MTTP: variants seen among roughly 807,000 people sequenced by gnomAD.
MTTP encodes microsomal triglyceride transfer protein, also known as microsomal triglyceride transfer protein large subunit.
In MTTP, 49 loss-of-function variants were observed where a neutral mutation model predicts 90.6. The ratio of observed to expected loss-of-function variants is 0.54; its 90% CI spans 0.43 to 0.69. The LOEUF is 0.69. MTTP is among the 30% of genes least tolerant of loss of function. The pLI is 0.00. For missense variants in MTTP, 945 were observed against 1,067.5 expected, an observed-to-expected ratio of 0.89 and a Z score of 1.60; for synonymous variants, 347 against 384.2, an observed-to-expected ratio of 0.90 and a Z score of 1.13.
At chr4:99,599,537 G>A (rs572853341) in intron 8 of MTTP, among the ~76,000 whole-genome samples, 60 of 152,294 alleles carry the variant, frequency 3.9e-4, no homozygotes, top group African/African-American at 1.4e-3. Context: ...TGAGGTGGTA[G>A]TATTAGTAAC....
intron 9 of MTTP, among the ~76,000 whole-genome samples, chr4:99,601,275 A>C (rs1372083154): frequency 2.0e-5 from 3 of 150,918 alleles, no homozygotes; most frequent in Non-Finnish European, 4.4e-5. Context: ...AAAAGTGATG[A>C]GGCCCCTTTT....
chr4:99,618,293 T>A (rs1726145494), intron 15 of MTTP, among the ~76,000 whole-genome samples: 1 of 152,190 alleles, frequency 6.6e-6, no homozygotes, highest in Non-Finnish European at 1.5e-5. Flanking sequence ...CAAGTTCCCC[T>A]TGGATACTAA....
At chr4:99,571,997 C>T (rs1724851646), upstream of MTTP, among the ~76,000 whole-genome samples, 1 of 151,674 alleles carries the variant, frequency 6.6e-6, no homozygotes, top group African/African-American at 2.4e-5. Flanking sequence ...CTTTCTATAT[C>T]TAGTAGGGTA....
chr4:99,611,057 C>T, intron 12 of MTTP, 86 bp from the exon 13 acceptor site: 2 of 1,458,754 alleles, frequency 1.4e-6, no homozygotes, highest in East Asian at 2.3e-5. Flanking sequence ...CTCTTTTTTC[C>T]ACTGAGGATT....
chr4:99,609,870 A>G (rs1447238613), intron 12 of MTTP, among the ~76,000 whole-genome samples: 1 of 152,182 alleles, frequency 6.6e-6, no homozygotes, highest in Non-Finnish European at 1.5e-5. Flanking sequence ...AGTTGAACGC[A>G]TTTAGCTTCT....
At chr4:99,615,819 G>A (rs1578255612) in intron 15 of MTTP, among the ~76,000 whole-genome samples, 1 of 152,178 alleles carries the variant, frequency 6.6e-6, no homozygotes, top group Non-Finnish European at 1.5e-5. Context: ...GAAGCAACAG[G>A]ATGAGTTGTC....
chr4:99,594,861 G>A lies in MTTP; in HGVS notation c.887G>A (p.Ser296Asn). 6.2e-7 allele frequency: 1 copy of A among 1,613,940 alleles called. No individual in the cohort carries two copies. The highest frequency in any genetic ancestry group is 8.5e-7 in the Non-Finnish European group (1 of 1,179,876). The change falls in exon 7 of 18, where the codon AGC (serine) becomes AAC (asparagine). Residue 296 changes from serine (S) to asparagine (N), a missense_variant. Transcript: ENST00000265517. ...CCCATTGTGGGGCAGGTCTTCCAGA[G>A]CCACTGTAAAGGATGTCCTTCTGTA... ...AIPIVGQVFQ[S>N]HCKGCPSLSE...
chr4:99,595,014 C>CA, intron 7 of MTTP, 131 bp downstream of exon 7: 1 of 1,036,376 alleles, frequency 9.6e-7, no homozygotes, highest in Non-Finnish European at 1.5e-6. Context: ...GTTGTGATGA[C>CA]AGCAGTCTCA....
Position 99,611,257 on chromosome 4 carries a change from G to C in MTTP, c.1867+17G>C. 6.2e-7 allele frequency: 1 copy of C among 1,613,554 alleles called. No homozygotes were observed. Among genetic ancestry groups the C allele is most frequent in the East Asian group, 2.2e-5 (1 of 44,868 alleles). ...ACATAGAACGTATGTACACCAAAAA[G>C]AGGTTCTCCTTCCATACCCCACAAC... is the stretch of plus-strand genomic sequence containing the variant. On this transcript the variant is annotated intron_variant, in intron 13 of 17. Coordinates refer to ENST00000265517, the MANE Select transcript of MTTP (RefSeq NM_001386140.1).
Position 99,583,442 on chromosome 4 carries a change from C to G in MTTP, c.318C>G (p.Ser106Arg), listed in dbSNP as rs1472302192. 6.2e-7 allele frequency: 1 copy of G among 1,613,380 alleles called. No homozygotes were observed. Among genetic ancestry groups the G allele is most frequent in the South Asian group, 1.1e-5 (1 of 91,046 alleles). Residue 106 changes from serine to arginine, a missense_variant, in exon 3 of 18, where the codon AGC becomes AGG. By Grantham distance (110) the Ser-to-Arg change is moderately radical. Transcript: ENST00000265517. Reference protein sequence around the residue: ...RGEKSIFKGKSPSKIMGKENL... With the variant: ...RGEKSIFKGKRPSKIMGKENL... ...AGAAGAGCATCTTCAAAGGAAAAAG[C>G]CCATCTAAAATAATGGGAAAGGAAA...
chr4:99,569,772 A>G (rs1241250768), intron 1 of MTTP, among the ~76,000 whole-genome samples: 1 of 152,022 alleles, frequency 6.6e-6, no homozygotes, highest in East Asian at 1.9e-4. Context: ...AACCATATCT[A>G]CATCTGCTGT....
chr4:99,570,590 T>G, upstream of MTTP: 1 of 415,680 alleles, frequency 2.4e-6, no homozygotes, highest in Non-Finnish European at 4.8e-6. Flanking sequence ...CCAAAGATCT[T>G]AAATGTCTTA....
intron 10 of MTTP, 47 bp downstream of exon 10, chr4:99,601,761 T>G (rs1480668055): frequency 2.2e-6 from 3 of 1,380,348 alleles, no homozygotes; most frequent in Non-Finnish European, 3.1e-6. Flanking sequence ...TACACCATTG[T>G]CCATTTGATA....
chr4:99,581,943 T>C lies in MTTP; in HGVS notation c.100T>C (p.Tyr34His), dbSNP rs77321097. Residue 34 changes from tyrosine (Y) to histidine (H), a missense_variant, in exon 2 of 18, where the codon TAC becomes CAC. By Grantham distance (83) the Tyr-to-His change is moderately conservative. Coordinates refer to ENST00000265517, the MANE Select transcript of MTTP (RefSeq NM_001386140.1). ...TCTCTCATTAAATAATGACCGGCTG[T>C]ACAAGCTCACGTACTCCACTGAAGT... ...TGLSLNNDRLYKLTYSTEVLL... is the reference protein window; with the variant it reads ...TGLSLNNDRLHKLTYSTEVLL... The C allele has an allele frequency of 1.9e-6, 3 of 1,614,028 alleles. No individual in the cohort carries two copies. Among genetic ancestry groups the C allele is most frequent in the Non-Finnish European group, 2.5e-6 (3 of 1,180,002 alleles).
chr4:99,598,153 C>T (rs1725603662), intron 8 of MTTP, among the ~76,000 whole-genome samples: 1 of 151,966 alleles, frequency 6.6e-6, no homozygotes, highest in South Asian at 2.1e-4. Flanking sequence ...GATAGGAATT[C>T]CAAATGACTA....
rs144631109 is a variant in MTTP at position 99,612,401 on chromosome 4, G to C, written c.1990-512G>C. Among the ~76,000 whole-genome samples, 313 of 144,672 alleles carry C rather than the reference G, an allele frequency of 2.2e-3. 4 individuals carry two copies. In the East Asian group the frequency reaches 0.023, roughly 11 times the overall value. The allele number at this position is 144,672 out of a possible 152,430, so 94.9% of individuals were successfully genotyped here. On this transcript the variant is annotated intron_variant, in intron 14 of 17. Transcript: ENST00000265517. ...TTTTTTTGGCTAGGGAGAAAAGTTTGACATGGAATGGGGTGAGTCATGGCT... is the reference window on the plus strand; with the variant it reads ...TTTTTTTGGCTAGGGAGAAAAGTTTCACATGGAATGGGGTGAGTCATGGCT...
At chr4:99,622,004 C>T (rs1009760143) in intron 17 of MTTP, among the ~76,000 whole-genome samples, 3 of 152,046 alleles carry the variant, frequency 2.0e-5, no homozygotes, top group African/African-American at 7.3e-5. Context: ...AATTGAGCAC[C>T]TTCATTATTT....
At chr4:99,605,843 A>G (rs1725801632) in intron 10 of MTTP, among the ~76,000 whole-genome samples, 1 of 140,956 alleles carries the variant, frequency 7.1e-6, no homozygotes, top group African/African-American at 2.8e-5. Context: ...TCTTCCCCAT[A>G]TCATCCATTC....
intron 8 of MTTP, among the ~76,000 whole-genome samples, chr4:99,598,324 AT>A (rs1441801948): frequency 9.2e-5 from 14 of 152,176 alleles, no homozygotes; most frequent in African/African-American, 2.4e-4. Flanking sequence ...TTCTTTAAAA[AT>A]TTTACCACTC....
Sources: gnomAD v4.1 joint callset for allele counts (sites outside exome capture counted in the v4.1 genomes callset) on GRCh38, gnomAD v4.1.1 for gene constraint, MANE v1.5 for transcripts, NCBI Gene and HGNC (gene_info 2026-07-23, HGNC 2026-07-21) for gene names.